Variants in CCDC88A observed in about 807,000 individuals in gnomAD.
CCDC88A encodes the protein girdin.
In CCDC88A, 54 loss-of-function variants were observed where a neutral mutation model predicts 234.3. That is an observed-to-expected ratio of 0.23 (90% CI 0.19 to 0.29). The LOEUF is 0.29. CCDC88A is among the 10% of genes least tolerant of loss of function. The pLI is 1.00. For missense variants in CCDC88A, 1,832 were observed against 2,123.4 expected (o/e 0.86, Z 2.70); for synonymous variants, 753 against 737.8 (o/e 1.02, Z -0.33).
At chr2:55,404,036 G>C (rs1679161278) in intron 2 of CCDC88A, 2 of 152,172 alleles carry the variant, frequency 1.3e-5, no homozygotes, top group Non-Finnish European at 2.9e-5. Flanking sequence ...ACCAGTGACA[G>C]ACTTATCTAC....
Position 55,369,049 on chromosome 2 carries a change from T to C in CCDC88A, c.402+3403A>G, listed in dbSNP as rs557090562. On this transcript the variant is annotated intron_variant, in intron 5 of 32. Coordinates refer to ENST00000436346, the MANE Select transcript of CCDC88A (RefSeq NM_001365480.1). Reference sequence around the variant, plus strand: ...ACCCACAGAATAATTTTTTTCTTTTTTTTGAGATGGAGTCTTGCTCTGTCA... The same window carrying C: ...ACCCACAGAATAATTTTTTTCTTTTCTTTGAGATGGAGTCTTGCTCTGTCA... Among the ~76,000 whole-genome samples the C allele has an allele frequency of 1.3e-3, 195 of 152,284 alleles. 1 individual carries two copies. The Middle Eastern group carries it at 0.02, about 16-fold the overall frequency.
chr2:55,375,432 C>A, intron 3 of CCDC88A, among the ~76,000 whole-genome samples: 1 of 139,512 alleles, frequency 7.2e-6, no homozygotes, highest in African/African-American at 2.7e-5. Flanking sequence ...ACTGAGGAAA[C>A]TAAAAATACA....
intron 7 of CCDC88A, among the ~76,000 whole-genome samples, chr2:55,357,309 TTCC>T (rs990319943): frequency 1.8e-5 from 1 of 55,978 alleles, no homozygotes; most frequent in Admixed American, 1.5e-4. Context: ...ATCTCAAAAA[TTCC>T]TTCCTTCCTT....
chr2:55,419,477 A>G lies in CCDC88A; in HGVS notation c.-398T>C. ...AATGAATCAATCCCAACGGGGGCTA[A>G]ATGAAATACGTTAAACAGAGACCAC... On this transcript the variant is annotated 5_prime_UTR_variant, in exon 1 of 33. Transcript: ENST00000436346. The G allele has an allele frequency of 5.0e-6, 1 of 198,492 alleles. No individual in the cohort carries two copies. The highest frequency in any genetic ancestry group is 8.3e-5 in the South Asian group (1 of 12,022). The allele number at this position is 198,492 out of a possible 1,614,324, so 12.3% of individuals were successfully genotyped here.
intron 8 of CCDC88A, among the ~76,000 whole-genome samples, chr2:55,353,705 T>C (rs1051996116): frequency 2.3e-5 from 3 of 132,448 alleles, no homozygotes; most frequent in Non-Finnish European, 5.0e-5. Flanking sequence ...CTTTTAAAAG[T>C]ACAAAATAAA....
At chr2:55,398,409 C>T (rs111253291) in intron 2 of CCDC88A, among the ~76,000 whole-genome samples, 3 of 152,100 alleles carry the variant, frequency 2.0e-5, no homozygotes, top group African/African-American at 7.2e-5. Flanking sequence ...GTACTTAGAG[C>T]CCAGGATAAC....
At chr2:55,402,709 T>TAA (rs1558829476) in intron 2 of CCDC88A, among the ~76,000 whole-genome samples, 651 of 11,070 alleles carry the variant, frequency 0.059, 3 homozygotes, top group Non-Finnish European at 0.15. Context: ...TTATTACTAT[T>TAA]TAAAAAAAAA....
intron 3 of CCDC88A, among the ~76,000 whole-genome samples, chr2:55,379,748 T>C (rs559770237): frequency 1.3e-4 from 20 of 151,840 alleles, no homozygotes; most frequent in Non-Finnish European, 2.5e-4. Context: ...ACCTTGTCTC[T>C]ACTAAAAATA....
At chr2:55,389,932 T>C (rs1300025153) in intron 2 of CCDC88A, among the ~76,000 whole-genome samples, 1 of 149,690 alleles carries the variant, frequency 6.7e-6, no homozygotes, top group Non-Finnish European at 1.5e-5. Flanking sequence ...TCGCAGCTAC[T>C]TGGGAGGCTG....
chr2:55,380,685 G>C (rs989557096), intron 3 of CCDC88A, among the ~76,000 whole-genome samples: 1 of 152,014 alleles, frequency 6.6e-6, no homozygotes, highest in Non-Finnish European at 1.5e-5. Context: ...GCATGATCTC[G>C]ACTCATTGCA....
intron 25 of CCDC88A, chr2:55,306,170 C>T (rs1558637777): frequency 6.6e-6 from 1 of 152,208 alleles, no homozygotes; most frequent in Non-Finnish European, 1.5e-5. Flanking sequence ...CTGCCTCAAC[C>T]TCCCAAAGTG....
At chr2:55,377,752 G>GGC (rs1393453288) in intron 3 of CCDC88A, among the ~76,000 whole-genome samples, 2 of 151,996 alleles carry the variant, frequency 1.3e-5, no homozygotes, top group African/African-American at 4.8e-5. Flanking sequence ...TGGGATTACA[G>GGC]GCGCACGCCA....
chr2:55,346,211 T>G lies in CCDC88A; in HGVS notation c.1005A>C (p.Arg335Ser). 6.2e-7 allele frequency: 1 copy of G among 1,609,986 alleles called. No individual in the cohort carries two copies. The highest frequency in any genetic ancestry group is 8.5e-7 in the Non-Finnish European group (1 of 1,177,402). Residue 335 changes from arginine to serine, a missense_variant, in exon 10 of 33, where the codon AGA becomes AGC. Around this residue, in one of 6 missense-constraint regions of CCDC88A, gnomAD observed 1,282 missense variants for 1,543.6 expected, o/e 0.83. Coordinates refer to ENST00000436346, the MANE Select transcript of CCDC88A (RefSeq NM_001365480.1). ...CCTTATAAAATTCAATATCATGTAG[T>G]CTCTCTTTATATCTGCTGACTTCAC... ...LESEVSRYKE[R>S]LHDIEFYKAR... is the part of the protein sequence containing the mutation.
chr2:55,414,960 G>A (rs779132851), intron 2 of CCDC88A, among the ~76,000 whole-genome samples: 3 of 151,586 alleles, frequency 2.0e-5, no homozygotes, highest in East Asian at 1.9e-4. Context: ...CCAGTTACTC[G>A]GGAGCCTGAG....
intron 28 of CCDC88A, 93 bp from the exon 29 acceptor site, chr2:55,300,012 G>A (rs1258613253): frequency 7.0e-6 from 6 of 851,874 alleles, no homozygotes; most frequent in Non-Finnish European, 1.2e-5. Context: ...CTTTGAGGAA[G>A]CAATCATGCA....
rs760501681 is a variant in CCDC88A, at chr2:55,334,622, T to C, written c.2199A>G (p.Glu733=). The C allele has an allele frequency of 6.2e-7, 1 of 1,613,756 alleles. No individual in the cohort carries two copies. Among genetic ancestry groups the C allele is most frequent in the Non-Finnish European group, 8.5e-7 (1 of 1,179,866 alleles). The part of the protein sequence containing the change: ...LQLENKELES[E]KEQLKKGLEL... ...CCAAACCCTTCTTAAGTTGCTCTTT[T>C]TCACTTTCCAGTTCTTTGTTTTCTA... Residue 733 remains glutamate, a synonymous_variant, in exon 15 of 33, where the codon GAA becomes GAG. Transcript: ENST00000436346. This position sits in a 1 kb window ranked among gnomAD's most constrained non-coding sequence, Gnocchi z 6.1.
intron 3 of CCDC88A, among the ~76,000 whole-genome samples, chr2:55,381,077 C>A (rs1187453074): frequency 6.6e-6 from 1 of 152,128 alleles, no homozygotes; most frequent in African/African-American, 2.4e-5. Context: ...TTTAAATGCA[C>A]AAATACCATT....
intron 25 of CCDC88A, among the ~76,000 whole-genome samples, chr2:55,307,665 A>C (rs952798565): frequency 3.3e-5 from 5 of 150,772 alleles, no homozygotes; most frequent in Non-Finnish European, 5.9e-5. Flanking sequence ...AATTTTTTTT[A>C]AATAATAGAG....
chr2:55,332,702 A>C lies in CCDC88A; in HGVS notation c.2728-9T>G. 6.2e-6 allele frequency: 10 copies of C among 1,612,366 alleles called. No individual in the cohort carries two copies. Among genetic ancestry groups the C allele is most frequent in the Non-Finnish European group, 8.5e-6 (10 of 1,179,186 alleles). On this transcript the variant is annotated splice_polypyrimidine_tract_variant and intron_variant, in intron 15 of 32. Transcript: ENST00000436346. This position sits in a 1 kb window ranked among gnomAD's most constrained non-coding sequence, Gnocchi z 4.5. The stretch of plus-strand genomic sequence containing the variant: ...TTTTCACTCACCAAATCCTTATTTT[A>C]AAAGAAATGCAAAACTCACCTAAGT...
Sources: allele counts gnomAD v4.1 joint callset (sites outside exome capture counted in the v4.1 genomes callset), GRCh38; gene constraint gnomAD v4.1.1; regional missense constraint gnomAD v4.1.1; non-coding constraint Gnocchi (gnomAD v3.1); transcripts MANE v1.5; gene names NCBI Gene and HGNC (gene_info 2026-07-23, HGNC 2026-07-21).